MATN1: variants seen among roughly 807,000 people sequenced by gnomAD.
The protein encoded by MATN1 is matrilin 1.
In MATN1, 34 loss-of-function variants were observed where a neutral mutation model predicts 41.3. The ratio of observed to expected loss-of-function variants is 0.82; its 90% CI spans 0.63 to 1.10. The LOEUF (loss-of-function observed/expected upper bound fraction) is 1.10. Ranked by LOEUF, MATN1 falls within the 50% of genes least tolerant of loss-of-function variation. MATN1 has a pLI of 0.00. For missense variants in MATN1, 602 were observed against 662.4 expected, an observed-to-expected ratio of 0.91 and a Z score of 1.00; for synonymous variants, 264 against 278.7, an observed-to-expected ratio of 0.95 and a Z score of 0.53.
Position 30,716,854 on chromosome 1 carries a change from G to C in MATN1, c.726C>G (p.Pro242=), listed in dbSNP as rs200056806. 3 of 1,613,572 alleles carry C rather than the reference G, an allele frequency of 1.9e-6. No homozygotes were observed. Among genetic ancestry groups the C allele is most frequent in the Middle Eastern group, 1.6e-4 (1 of 6,084 alleles). ...HDCEQVCISS[P]GSYTCACHEG... ...CGTGGCAGGCGCAGGTGTAGGAACC[G>C]GGGGAGCTGATGCACACCTGCTCAC... is the stretch of plus-strand genomic sequence containing the variant. Residue 242 remains proline (P), a synonymous_variant, in exon 4 of 8, where the codon CCC becomes CCG. Transcript: ENST00000373765.
rs1233706784 is a variant in MATN1, at chr1:30,718,635, T to G, written c.664+100A>C. The G allele has an allele frequency of 2.3e-5, 9 of 383,598 alleles. No individual in the cohort carries two copies. In the Admixed American group the frequency reaches 8.6e-4, roughly 37 times the overall value. The allele number at this position is 383,598 out of a possible 1,614,324, so 23.8% of individuals were successfully genotyped here. A position where few individuals can be genotyped will look rare whatever the true frequency, so the allele number is the denominator to read the frequency against. On this transcript the variant is annotated intron_variant, in intron 3 of 7. Coordinates refer to ENST00000373765, the MANE Select transcript of MATN1 (RefSeq NM_002379.3). ...CTGCCCTGCGCCGGCGCTGGCTCCG[T>G]CTGCGCCTCAGCCTCGGTCCCGCCT... is the stretch of plus-strand genomic sequence containing the variant.
intron 3 of MATN1, among the ~76,000 whole-genome samples, chr1:30,717,818 C>G (rs1308266050): frequency 2.6e-5 from 4 of 152,062 alleles, no homozygotes; most frequent in Non-Finnish European, 5.9e-5. Context: ...CAACGCCCGG[C>G]TAATTTTTTG....
intron 3 of MATN1, among the ~76,000 whole-genome samples, chr1:30,717,669 TGAGACG>T (rs1639637526): frequency 7.1e-6 from 1 of 141,100 alleles, no homozygotes; most frequent in African/African-American, 2.6e-5. Context: ...GTTTTTTTTT[TGAGACG>T]GAGTCGTCTC....
intron 4 of MATN1, 130 bp from the exon 5 acceptor site, chr1:30,716,455 C>T (rs1390057853): frequency 5.2e-6 from 5 of 961,550 alleles, no homozygotes; most frequent in Non-Finnish European, 4.6e-6. Context: ...AGAACTGCCT[C>T]TATAAAGCCA....
rs1345515224 is a variant in MATN1 at position 30,715,142 on chromosome 1, C to G, written c.1360+15G>C. 7 of 1,613,666 alleles carry G rather than the reference C, an allele frequency of 4.3e-6. No individual in the cohort carries two copies. Among genetic ancestry groups the G allele is most frequent in the African/African-American group, 1.3e-5 (1 of 75,044 alleles). On this transcript the variant is annotated intron_variant, in intron 6 of 7. Transcript: ENST00000373765. The stretch of plus-strand genomic sequence containing the variant: ...ACCTGCAAATCCCATCAATGCCAGC[C>G]CTGGCCTCACTCACCCACACAGATC...
chr1:30,717,008 C>A, intron 3 of MATN1, 93 bp from the exon 4 acceptor site: 1 of 1,362,206 alleles, frequency 7.3e-7, no homozygotes, highest in East Asian at 2.6e-5. Context: ...TACCAGGCCC[C>A]ATCCAGACTC....
At chr1:30,721,844 T>A (rs1418227413) in intron 1 of MATN1, 93 bp from the exon 2 acceptor site, 17 of 1,060,184 alleles carry the variant, frequency 1.6e-5, no homozygotes, top group Non-Finnish European at 2.4e-5. Flanking sequence ...TAGATCCAGG[T>A]GCGAGGCCTC....
chr1:30,715,470 A>T (rs997407768), intron 5 of MATN1, among the ~76,000 whole-genome samples, 161 bp from the exon 6 acceptor site: 1 of 152,176 alleles, frequency 6.6e-6, no homozygotes, highest in Non-Finnish European at 1.5e-5. Flanking sequence ...GAGAAAATCA[A>T]TATTTACTGA....
chr1:30,715,869 G>A, intron 5 of MATN1, 40 bp downstream of exon 5: 2 of 1,581,204 alleles, frequency 1.3e-6, no homozygotes. Context: ...TGTACCCCTG[G>A]CCATCAGTGG....
chr1:30,717,127 T>A (rs1160162270), intron 3 of MATN1, among the ~76,000 whole-genome samples: 1 of 152,206 alleles, frequency 6.6e-6, no homozygotes, highest in East Asian at 1.9e-4. Context: ...ATAATGCTGA[T>A]GATAAGAATG....
intron 1 of MATN1, among the ~76,000 whole-genome samples, chr1:30,723,152 C>T (rs1345230748): frequency 2.0e-5 from 3 of 152,186 alleles, no homozygotes; most frequent in Non-Finnish European, 2.9e-5. Flanking sequence ...GGGCTCAGCC[C>T]TGGGCTTGGT....
At chr1:30,721,311 G>C (rs1486449826) in intron 2 of MATN1, 94 bp downstream of exon 2, 11 of 1,237,042 alleles carry the variant, frequency 8.9e-6, no homozygotes, top group Non-Finnish European at 1.3e-5. Flanking sequence ...ACCTCACGGG[G>C]CATCATGGGA....
chr1:30,718,132 G>A (rs1414172961), intron 3 of MATN1, among the ~76,000 whole-genome samples: 2 of 147,394 alleles, frequency 1.4e-5, no homozygotes, highest in African/African-American at 2.5e-5. Flanking sequence ...GCCCCGCCCT[G>A]ATGTTGCCGT....
rs1301021603 is a variant in MATN1, at chr1:30,723,467, G to T, written c.85C>A (p.Gln29Lys). The change falls in exon 1 of 8, where the codon CAG (glutamine) becomes AAG (lysine). Residue 29 changes from glutamine (Q) to lysine (K), a missense_variant. Physicochemically the swap from Gln to Lys is moderately conservative, Grantham distance 53. Transcript: ENST00000373765. ...QALCSPGLAP[Q>K]SRGHLCRTRP... ...ACGCAAGCCCCCTCACCTCTGGACT[G>T]GGGGGCGAGGCCAGGGCTGCACAGG... The T allele has an allele frequency of 2.6e-6, 4 of 1,521,690 alleles. No individual in the cohort carries two copies. Among genetic ancestry groups the T allele is most frequent in the South Asian group, 2.5e-5 (2 of 79,616 alleles). The allele number at this position is 1,521,690 out of a possible 1,614,324, so 94.3% of individuals were successfully genotyped here. A position where few individuals can be genotyped will look rare whatever the true frequency, so the allele number is the denominator to read the frequency against.
intron 3 of MATN1, chr1:30,718,480 ACC>A (rs1302872365): frequency 4.9e-5 from 1 of 20,400 alleles, no homozygotes; most frequent in Non-Finnish European, 9.3e-5. Flanking sequence ...CCCTGGCCCC[ACC>A]CTTGCCCCGC....
chr1:30,723,335 C>T, intron 1 of MATN1, 123 bp downstream of exon 1: 2 of 695,448 alleles, frequency 2.9e-6, no homozygotes, highest in Non-Finnish European at 4.4e-6. Flanking sequence ...CCCACCACTG[C>T]CGCCCTGCTC....
At chr1:30,715,085 G>A in intron 6 of MATN1, 72 bp downstream of exon 6, 1 of 1,571,992 alleles carries the variant, frequency 6.4e-7, no homozygotes, top group African/African-American at 1.3e-5. Flanking sequence ...CCCACACCCA[G>A]TTCCAGGATG....
At chr1:30,716,669 G>A in intron 4 of MATN1, 121 bp downstream of exon 4, 3 of 1,373,434 alleles carry the variant, frequency 2.2e-6, no homozygotes, top group Non-Finnish European at 2.9e-6. Flanking sequence ...AAAGGCATCT[G>A]TCTGCTTTGA....
chr1:30,721,209 G>A (rs2124160161), intron 2 of MATN1, 196 bp downstream of exon 2: 3 of 603,252 alleles, frequency 5.0e-6, no homozygotes, highest in South Asian at 4.2e-5. Context: ...GGGTAAAGGT[G>A]GCTTCAAATC....
Sources: allele counts gnomAD v4.1 joint callset (sites outside exome capture counted in the v4.1 genomes callset), GRCh38; gene constraint gnomAD v4.1.1; transcripts MANE v1.5; gene names NCBI Gene and HGNC (gene_info 2026-07-23, HGNC 2026-07-21).